NRXN3: variants seen among roughly 807,000 people sequenced by gnomAD.
NRXN3 encodes neurexin III.
Under a neutral mutation model 137.6 loss-of-function variants are expected in NRXN3, and 32 were observed. That is an observed-to-expected ratio of 0.23 (90% CI 0.18 to 0.31). The LOEUF (loss-of-function observed/expected upper bound fraction) is 0.31, where lower values mean the gene tolerates loss of function less well. Among genes scored for constraint, NRXN3 ranks in the 10% least tolerant of loss-of-function variants. The pLI is 1.00. For missense variants in NRXN3, 1,574 were observed against 2,062.5 expected (o/e 0.76, Z 4.59); for synonymous variants, 798 against 784.5 (o/e 1.02, Z -0.29).
chr14:78,420,504 C>A lies in NRXN3; in HGVS notation c.757+122644C>A, dbSNP rs36051162. 7.7e-3 allele frequency among the ~76,000 whole-genome samples: 1,166 copies of A among 152,228 alleles called. 7 individuals carry two copies. Among genetic ancestry groups the A allele is most frequent in the South Asian group, 0.014 (67 of 4,808 alleles). On this transcript the variant is annotated intron_variant, in intron 4 of 20. Coordinates refer to ENST00000335750, the MANE Select transcript of NRXN3 (RefSeq NM_001330195.2). ...AAACTAATGTGAACAGTTTCCAGCTCCAGGCAAAACATTTACACTCCTCAC... is the reference window on the plus strand; with the variant it reads ...AAACTAATGTGAACAGTTTCCAGCTACAGGCAAAACATTTACACTCCTCAC...
intron 16 of NRXN3, among the ~76,000 whole-genome samples, chr14:79,576,007 A>T (rs898285695): frequency 2.6e-5 from 4 of 152,192 alleles, no homozygotes; most frequent in Admixed American, 1.3e-4. Context: ...CAGCAGCAGC[A>T]GGTGCTGCCA....
chr14:79,435,897 G>T (rs1001878251), intron 15 of NRXN3, among the ~76,000 whole-genome samples: 1 of 152,092 alleles, frequency 6.6e-6, no homozygotes, highest in African/African-American at 2.4e-5. Flanking sequence ...GCCTCCCAAA[G>T]TGCTAGGATT....
intron 16 of NRXN3, among the ~76,000 whole-genome samples, chr14:79,551,563 A>G (rs2097372946): frequency 6.6e-6 from 1 of 152,114 alleles, no homozygotes; most frequent in South Asian, 2.1e-4. Context: ...TCAACACACC[A>G]GGATTATGTT....
rs565300276 is a variant in NRXN3 at position 78,195,206 on chromosome 14, C to G, written c.-704+24532C>G. Among the ~76,000 whole-genome samples the G allele has an allele frequency of 1.2e-4, 18 of 152,326 alleles. No homozygotes were observed. In the Middle Eastern group the frequency reaches 0.017, roughly 144 times the overall value. ...AGAAAGAAAAATTAACCCGAAGAGG[C>G]CAGTATGAACCAGGCACTGTGCTAG... On this transcript the variant is annotated intron_variant, in intron 1 of 20. Transcript: ENST00000335750.
At position 78,854,380 on chromosome 14, in the gene NRXN3, C is replaced by CT. The variant is rs898089539; in HGVS notation, c.2275+44045dup. ...CTTCAGCTCCCTCTTCTAGCTTTACCTTTTTTTTTAATTGCACAAAATTCT... is the reference window on the plus strand; with the variant it reads ...CTTCAGCTCCCTCTTCTAGCTTTACCTTTTTTTTTTAATTGCACAAAATTCT... On this transcript the variant is annotated intron_variant, in intron 10 of 20. Transcript: ENST00000335750. Among the ~76,000 whole-genome samples, 8 of 151,120 alleles carry CT rather than the reference C, an allele frequency of 5.3e-5. No homozygotes were observed. The East Asian group carries it at 5.8e-4, about 11-fold the overall frequency.
chr14:78,824,179 A>C (rs1350926342), intron 10 of NRXN3, among the ~76,000 whole-genome samples: 1 of 150,254 alleles, frequency 6.7e-6, no homozygotes, highest in Non-Finnish European at 1.5e-5. Flanking sequence ...AAGGTGAATA[A>C]GGAAGGGGTA....
intron 4 of NRXN3, among the ~76,000 whole-genome samples, chr14:78,489,932 T>G (rs1430152253): frequency 7.4e-6 from 1 of 135,694 alleles, no homozygotes; most frequent in East Asian, 2.2e-4. Context: ...TTTTTTTTTT[T>G]GAGACAGAGT....
chr14:78,410,875 C>T (rs1012787468), intron 4 of NRXN3, among the ~76,000 whole-genome samples: 1 of 152,194 alleles, frequency 6.6e-6, no homozygotes, highest in Non-Finnish European at 1.5e-5. Context: ...GACAGGGAGT[C>T]AGGGCCTCCT....
intron 4 of NRXN3, among the ~76,000 whole-genome samples, chr14:78,482,491 A>G (rs1420206357): frequency 6.6e-6 from 1 of 152,186 alleles, no homozygotes; most frequent in Non-Finnish European, 1.5e-5. Flanking sequence ...TCTCTCAGAC[A>G]TCTTGAAATG....
intron 4 of NRXN3, among the ~76,000 whole-genome samples, chr14:78,365,812 C>T (rs2085850747): frequency 6.6e-6 from 1 of 152,206 alleles, no homozygotes; most frequent in African/African-American, 2.4e-5. Flanking sequence ...CTCTTCTTGG[C>T]TCTGGAGATG....
chr14:78,912,958 T>A (rs1308233286), intron 10 of NRXN3, among the ~76,000 whole-genome samples: 1 of 152,164 alleles, frequency 6.6e-6, no homozygotes, highest in South Asian at 2.1e-4. Context: ...CCTTCGTTTA[T>A]TCCTTCAACA....
intron 4 of NRXN3, among the ~76,000 whole-genome samples, chr14:78,644,298 C>T (rs960759864): frequency 3.3e-5 from 5 of 151,992 alleles, no homozygotes; most frequent in Non-Finnish European, 7.4e-5. Flanking sequence ...AGTATATGGG[C>T]TCCAGTAGAA....
chr14:79,855,124 T>C (rs1351077945), intron 20 of NRXN3, among the ~76,000 whole-genome samples: 4 of 152,194 alleles, frequency 2.6e-5, no homozygotes, highest in Non-Finnish European at 2.9e-5. Context: ...GAAAACATGA[T>C]GATTTTCATA....
intron 2 of NRXN3, among the ~76,000 whole-genome samples, chr14:78,263,921 G>A (rs1269979653): frequency 7.6e-6 from 1 of 131,178 alleles, no homozygotes; most frequent in African/African-American, 2.8e-5. Flanking sequence ...GTGTGTGTGT[G>A]TGTGTTTTCC....
chr14:79,712,424 G>A (rs1002776130), intron 19 of NRXN3, among the ~76,000 whole-genome samples: 5 of 151,956 alleles, frequency 3.3e-5, no homozygotes, highest in Admixed American at 6.6e-5. Flanking sequence ...TTGTAATATC[G>A]CCTATTGAAA....
At chr14:78,691,821 A>C (rs1308816868) in intron 6 of NRXN3, among the ~76,000 whole-genome samples, 1 of 152,166 alleles carries the variant, frequency 6.6e-6, no homozygotes, top group African/African-American at 2.4e-5. Context: ...AATTATGGTA[A>C]ATACAGAAGA....
At chr14:78,171,362 G>A (rs140764596) in intron 1 of NRXN3, among the ~76,000 whole-genome samples, 8 of 151,770 alleles carry the variant, frequency 5.3e-5, no homozygotes, top group Middle Eastern at 3.4e-3. Flanking sequence ...GTGTGTGTGC[G>A]CGGGTGTGTG....
intron 15 of NRXN3, among the ~76,000 whole-genome samples, chr14:79,182,282 A>G (rs1211080289): frequency 3.4e-5 from 5 of 148,342 alleles, no homozygotes; most frequent in Non-Finnish European, 5.9e-5. Context: ...AGTACATTAC[A>G]TTTATTGTGT....
intron 15 of NRXN3, among the ~76,000 whole-genome samples, chr14:79,371,112 G>C (rs1364035770): frequency 6.6e-6 from 1 of 152,122 alleles, no homozygotes; most frequent in Non-Finnish European, 1.5e-5. Context: ...TCAAGCAGTA[G>C]AAAAAGAATA....
Sources: allele counts gnomAD v4.1 joint callset (sites outside exome capture counted in the v4.1 genomes callset), GRCh38; gene constraint gnomAD v4.1.1; transcripts MANE v1.5; gene names NCBI Gene and HGNC (gene_info 2026-07-23, HGNC 2026-07-21).